CABCOCO1: variants seen among roughly 807,000 people sequenced by gnomAD.
CABCOCO1 encodes the protein ciliary associated calcium binding coiled-coil 1.
CABCOCO1 carries 28 observed loss-of-function variants against 35.7 expected under a neutral mutation model. The observed-to-expected ratio is 0.78, with a 90% confidence interval of 0.58 to 1.07. CABCOCO1 has a LOEUF of 1.07. Among genes scored for constraint, CABCOCO1 ranks in the 50% least tolerant of loss-of-function variants. CABCOCO1 has a pLI of 0.00. For synonymous variants in CABCOCO1, 95 were observed against 100.1 expected, an observed-to-expected ratio of 0.95 and a Z score of 0.30; for missense variants, 326 against 309.2, an observed-to-expected ratio of 1.05 and a Z score of -0.41.
intron 5 of CABCOCO1, among the ~76,000 whole-genome samples, chr10:61,745,982 A>G (rs771208290): frequency 6.6e-6 from 1 of 152,306 alleles, no homozygotes; most frequent in Admixed American, 6.5e-5. Context: ...CATTTTTTTA[A>G]GGATCACACC....
chr10:61,709,059 T>A (rs1336892224), intron 5 of CABCOCO1, among the ~76,000 whole-genome samples: 1 of 152,162 alleles, frequency 6.6e-6, no homozygotes, highest in African/African-American at 2.4e-5. Context: ...TAAAATGCTC[T>A]AAGAATTTGG....
At chr10:61,759,394 C>T (rs1841962005) in intron 5 of CABCOCO1, among the ~76,000 whole-genome samples, 1 of 152,056 alleles carries the variant, frequency 6.6e-6, no homozygotes, top group African/African-American at 2.4e-5. Flanking sequence ...GAGATGAGCA[C>T]TGCCAAAGTT....
At chr10:61,728,833 T>C (rs1370467612) in intron 5 of CABCOCO1, among the ~76,000 whole-genome samples, 1 of 152,178 alleles carries the variant, frequency 6.6e-6, no homozygotes, top group Non-Finnish European at 1.5e-5. Flanking sequence ...CCTTTCCTTC[T>C]TCCTCCTTTC....
chr10:61,752,013 T>A (rs1158282340), intron 5 of CABCOCO1, among the ~76,000 whole-genome samples: 1 of 152,212 alleles, frequency 6.6e-6, no homozygotes, highest in Non-Finnish European at 1.5e-5. Context: ...TTTGAGAACA[T>A]GTATTGCTAT....
intron 5 of CABCOCO1, among the ~76,000 whole-genome samples, chr10:61,726,896 G>GAAA (rs947127512): frequency 2.3e-5 from 2 of 88,658 alleles, no homozygotes; most frequent in South Asian, 3.6e-4. Context: ...CGTCTCTACA[G>GAAA]AAAAAAAAAA....
intron 5 of CABCOCO1, among the ~76,000 whole-genome samples, chr10:61,735,943 C>T (rs1301371424): frequency 2.0e-5 from 3 of 151,960 alleles, no homozygotes; most frequent in Non-Finnish European, 2.9e-5. Context: ...GCTTGTTGGC[C>T]GAAAGTATGC....
At chr10:61,737,051 T>C (rs905914099) in intron 5 of CABCOCO1, among the ~76,000 whole-genome samples, 4 of 152,148 alleles carry the variant, frequency 2.6e-5, no homozygotes, top group African/African-American at 9.7e-5. Flanking sequence ...GGACCAAGAC[T>C]ATGGGGTTTT....
At chr10:61,750,909 T>G (rs932991419) in intron 5 of CABCOCO1, among the ~76,000 whole-genome samples, 2 of 152,174 alleles carry the variant, frequency 1.3e-5, no homozygotes, top group Non-Finnish European at 2.9e-5. Context: ...GAATATGACG[T>G]GCCCCACGTC....
chr10:61,690,390 G>A (rs765889040), intron 4 of CABCOCO1, among the ~76,000 whole-genome samples, 159 bp from the exon 5 acceptor site: 25 of 151,918 alleles, frequency 1.6e-4, no homozygotes, highest in African/African-American at 2.4e-4. Context: ...AGTATTTCCC[G>A]ACAATTTCTT....
intron 2 of CABCOCO1, 80 bp from the exon 3 acceptor site, chr10:61,681,063 G>T (rs1839776532): frequency 1.3e-6 from 1 of 788,772 alleles, no homozygotes; most frequent in Non-Finnish European, 1.7e-6. Context: ...TAAAGAAAAA[G>T]ACCTGTTTTC....
intron 1 of CABCOCO1, among the ~76,000 whole-genome samples, chr10:61,666,952 G>GTATAAATATAATTATATATTATA (rs1404726571): frequency 0.065 from 8,542 of 131,564 alleles, 389 homozygotes; most frequent in African/African-American, 0.097. Flanking sequence ...TATATATTAT[G>GTATAAATATAATTATATATTATA]TATAAATATA....
chr10:61,679,863 T>C (rs1424118039), intron 2 of CABCOCO1, among the ~76,000 whole-genome samples: 1 of 151,460 alleles, frequency 6.6e-6, no homozygotes, highest in East Asian at 1.9e-4. Flanking sequence ...ACAACAGAGA[T>C]ATAAAAGCTC....
intron 5 of CABCOCO1, among the ~76,000 whole-genome samples, chr10:61,739,039 A>C (rs1352562987): frequency 6.6e-6 from 1 of 152,178 alleles, no homozygotes; most frequent in Non-Finnish European, 1.5e-5. Context: ...TTTTATTAGC[A>C]CTGTCAGTTA....
At chr10:61,741,792 T>G (rs766703124) in intron 5 of CABCOCO1, among the ~76,000 whole-genome samples, 10 of 152,218 alleles carry the variant, frequency 6.6e-5, no homozygotes, top group Non-Finnish European at 1.5e-4. Flanking sequence ...ATTTTTAAAT[T>G]TAATTTTTAA....
chr10:61,692,322 C>T (rs1329066877), intron 5 of CABCOCO1, among the ~76,000 whole-genome samples: 2 of 152,158 alleles, frequency 1.3e-5, no homozygotes, highest in Non-Finnish European at 2.9e-5. Flanking sequence ...ATATCCTTCA[C>T]CCGCTTCTGG....
At chr10:61,690,717 C>A in intron 5 of CABCOCO1, 96 bp downstream of exon 5, 2 of 680,410 alleles carry the variant, frequency 2.9e-6, no homozygotes, top group South Asian at 4.3e-5. Flanking sequence ...AACTTCTTGT[C>A]AAGATTATTC....
At chr10:61,684,958 G>A (rs1839909650) in intron 3 of CABCOCO1, 1 of 152,180 alleles carries the variant, frequency 6.6e-6, no homozygotes, top group African/African-American at 2.4e-5. Flanking sequence ...TTTTTCAACT[G>A]ACAAATGCCA....
In CABCOCO1 at chr10:61,669,317, A is replaced by G. The variant is rs556465439; in HGVS notation, c.61-3315A>G. On this transcript the variant is annotated intron_variant, in intron 1 of 7. Coordinates refer to ENST00000648843, the MANE Select transcript of CABCOCO1 (RefSeq NM_001366906.2). ...CAGATAATATCAGGCTTACAGTTTT[A>G]TTGCTCTTGGAATAACTCTTAAAAT... is the stretch of plus-strand genomic sequence containing the variant. Among the ~76,000 whole-genome samples the G allele has an allele frequency of 9.2e-5, 14 of 152,148 alleles. No individual in the cohort carries two copies. The East Asian group carries it at 2.7e-3, about 29-fold the overall frequency.
At position 61,759,439 on chromosome 10, in the gene CABCOCO1, T is replaced by C. The variant is rs897473840; in HGVS notation, c.553-620T>C. Among the ~76,000 whole-genome samples the C allele has an allele frequency of 3.3e-5, 5 of 152,050 alleles. No homozygotes were observed. In the East Asian group the frequency reaches 7.7e-4, roughly 23 times the overall value. ...GACTCTCCTTTTCCTTCATTTCCAG[T>C]GTTAACCAACCGTCAGCCTCCTTCT... is the stretch of plus-strand genomic sequence containing the variant. On this transcript the variant is annotated intron_variant, in intron 5 of 7. Coordinates refer to ENST00000648843, the MANE Select transcript of CABCOCO1 (RefSeq NM_001366906.2).
Sources: gnomAD v4.1 joint callset for allele counts (sites outside exome capture counted in the v4.1 genomes callset) on GRCh38, gnomAD v4.1.1 for gene constraint, MANE v1.5 for transcripts, NCBI Gene and HGNC (gene_info 2026-07-23, HGNC 2026-07-21) for gene names.